Variants in HOXC5 observed in about 807,000 individuals in gnomAD.
The protein encoded by HOXC5 is homeobox protein Hox-C5.
Under a neutral mutation model 20.1 loss-of-function variants are expected in HOXC5, and 19 were observed. That is an observed-to-expected ratio of 0.94 (90% CI 0.66 to 1.38). HOXC5 has a LOEUF of 1.38. Among genes scored for constraint, HOXC5 ranks in the 40% most tolerant of loss-of-function variants. The pLI is 0.00. For missense variants in HOXC5, 330 were observed against 300.1 expected (o/e 1.10, Z -0.74); for synonymous variants, 124 against 117.0 (o/e 1.06, Z -0.39).
chr12:54,034,505 AG>A lies in HOXC5; in HGVS notation c.*15del, dbSNP rs1328991958. 14 of 1,605,300 alleles carry A rather than the reference AG, an allele frequency of 8.7e-6. No individual in the cohort carries two copies. Among genetic ancestry groups the A allele is most frequent in the Non-Finnish European group, 1.1e-5 (13 of 1,173,748 alleles). Reference sequence around the variant, plus strand: ...AGAGGCTCTTTAGAGGCAGCGGGGGAGGCCCGCAGAGCGCGCCCCTAGCCGG... The same window carrying A: ...AGAGGCTCTTTAGAGGCAGCGGGGGAGCCCGCAGAGCGCGCCCCTAGCCGG... On this transcript the variant is annotated 3_prime_UTR_variant, in exon 2 of 2. Transcript: ENST00000312492.
chr12:54,025,067 G>A, the HOXC5 span, among the ~76,000 whole-genome samples: 1 of 152,186 alleles, frequency 6.6e-6, no homozygotes, highest in Non-Finnish European at 1.5e-5. Context: ...TAAGGGGCCA[G>A]AGCAGTAGCA....
At chr12:54,025,150 A>G in the HOXC5 span, among the ~76,000 whole-genome samples, 1 of 152,192 alleles carries the variant, frequency 6.6e-6, no homozygotes, top group Non-Finnish European at 1.5e-5. Context: ...TATAGAAACA[A>G]AGAACAAGTT....
At chr12:54,031,215 G>A (rs1488283529), upstream of HOXC5, among the ~76,000 whole-genome samples, 1 of 152,224 alleles carries the variant, frequency 6.6e-6, no homozygotes, top group African/African-American at 2.4e-5. Context: ...CCAGGCACCA[G>A]GGTCTCCTCC....
At chr12:54,024,320 A>T in the HOXC5 span, among the ~76,000 whole-genome samples, 1 of 152,146 alleles carries the variant, frequency 6.6e-6, no homozygotes, top group Non-Finnish European at 1.5e-5. Flanking sequence ...CTGAGCACTG[A>T]GTCCTGAGGC....
At chr12:54,029,701 G>A (rs1280656905), upstream of HOXC5, 1 of 1,614,114 alleles carries the variant, frequency 6.2e-7, no homozygotes. Context: ...AGATCTACTC[G>A]CGGTACCAGA....
At chr12:54,032,019 G>C (rs529266433), upstream of HOXC5, among the ~76,000 whole-genome samples, 17 of 152,298 alleles carry the variant, frequency 1.1e-4, no homozygotes, top group African/African-American at 3.9e-4. Context: ...AATATTTGTG[G>C]AGGCTTCAAT....
At chr12:54,026,939 C>G in the HOXC5 span, among the ~76,000 whole-genome samples, 4 of 141,780 alleles carry the variant, frequency 2.8e-5, no homozygotes, top group South Asian at 2.2e-4. Context: ...CCAGCTTTCC[C>G]CCCCCCCAAC....
the HOXC5 span, among the ~76,000 whole-genome samples, chr12:54,026,967 G>C: frequency 1.0e-5 from 1 of 95,652 alleles, no homozygotes; most frequent in Non-Finnish European, 2.4e-5. Context: ...AAAATGGTGG[G>C]GGGGGGGGGA....
chr12:54,020,425 A>ATCCCCC, the HOXC5 span: 1 of 152,212 alleles, frequency 6.6e-6, no homozygotes, highest in African/African-American at 2.4e-5. Flanking sequence ...GGGCAGAGCA[A>ATCCCCC]ACCCTTTCTC....
At chr12:54,029,415 C>CA (rs1940890045), upstream of HOXC5, among the ~76,000 whole-genome samples, 1 of 137,466 alleles carries the variant, frequency 7.3e-6, no homozygotes, top group Admixed American at 7.1e-5. Context: ...CCCCCCGCCC[C>CA]CCCCCCCACC....
At chr12:54,032,940 C>T, upstream of HOXC5, 1 of 563,584 alleles carries the variant, frequency 1.8e-6, no homozygotes, top group Non-Finnish European at 3.1e-6. Flanking sequence ...TTATGAGTGG[C>T]CGCTCGAGTC....
chr12:54,028,964 T>G (rs752407433), upstream of HOXC5: 18 of 1,542,192 alleles, frequency 1.2e-5, no homozygotes, highest in Admixed American at 9.7e-5. Context: ...TAAACTGAAC[T>G]GGCTTTATGA....
chr12:54,028,352 T>TC (rs60224235), upstream of HOXC5: 13 of 633,060 alleles, frequency 2.1e-5, no homozygotes, highest in South Asian at 1.2e-4. Flanking sequence ...GCGATTTTTT[T>TC]CCCCCTTCCT....
chr12:54,029,849 G>C, upstream of HOXC5: 1 of 1,614,052 alleles, frequency 6.2e-7, no homozygotes, highest in Non-Finnish European at 8.5e-7. Context: ...GTGGAAAAAA[G>C]AATCTAATCT....
intron 1 of HOXC5, 48 bp downstream of exon 1, chr12:54,033,624 A>G: frequency 1.7e-5 from 24 of 1,429,448 alleles, no homozygotes; most frequent in Non-Finnish European, 2.2e-5. Context: ...CCTGGGTTTT[A>G]TAGGCCATGC....
Position 54,034,852 on chromosome 12 carries a change from G to A in HOXC5, c.*360G>A, listed in dbSNP as rs962084777. 7 of 297,390 alleles carry A rather than the reference G, an allele frequency of 2.4e-5. No homozygotes were observed. The highest frequency in any genetic ancestry group is 1.4e-4 in the Admixed American group (3 of 21,930). 18.4% of individuals were successfully genotyped at this position (297,390 alleles called of 1,614,324 possible). A position where few individuals can be genotyped will look rare whatever the true frequency, so the allele number is the denominator to read the frequency against. ...CTCAGCGCGGCCCTCCCGAGTTAAG[G>A]TGGGCCCGGCCCGCGCCACAGGACC... On this transcript the variant is annotated 3_prime_UTR_variant, in exon 2 of 2. Transcript: ENST00000312492.
chr12:54,023,129 A>G, the HOXC5 span, among the ~76,000 whole-genome samples: 5 of 152,158 alleles, frequency 3.3e-5, no homozygotes, highest in African/African-American at 1.2e-4. Flanking sequence ...GCTCTCCCCA[A>G]GCCCCCTCCT....
upstream of HOXC5, chr12:54,030,193 T>G (rs1373959423): frequency 2.2e-6 from 1 of 464,674 alleles, no homozygotes; most frequent in Non-Finnish European, 3.8e-6. Context: ...TAGCTCGTTC[T>G]CGGCTTGTCT....
At chr12:54,022,983 C>T in the HOXC5 span, among the ~76,000 whole-genome samples, 1 of 152,140 alleles carries the variant, frequency 6.6e-6, no homozygotes, top group East Asian at 1.9e-4. Flanking sequence ...ATTCTGGGGG[C>T]TGAAAATATT....
Sources: allele counts gnomAD v4.1 joint callset (sites outside exome capture counted in the v4.1 genomes callset), GRCh38; gene constraint gnomAD v4.1.1; transcripts MANE v1.5; gene names NCBI Gene and HGNC (gene_info 2026-07-23, HGNC 2026-07-21).